RBMS3: variants seen among roughly 807,000 people sequenced by gnomAD.
RBMS3 encodes RNA-binding motif, single-stranded-interacting protein 3.
In RBMS3, 27 loss-of-function variants were observed where a neutral mutation model predicts 66.8. The ratio of observed to expected loss-of-function variants is 0.40; its 90% CI spans 0.30 to 0.56. The LOEUF (loss-of-function observed/expected upper bound fraction) is 0.56. Ranked by LOEUF, RBMS3 falls within the 20% of genes least tolerant of loss-of-function variation. The pLI, the probability that RBMS3 is intolerant of heterozygous loss-of-function variation, is 0.40. For missense variants in RBMS3, 513 were observed against 549.5 expected (o/e 0.93, Z 0.66); for synonymous variants, 188 against 183.0 (o/e 1.03, Z -0.22).
intron 6 of RBMS3, among the ~76,000 whole-genome samples, chr3:29,832,119 G>T (rs2058385193): frequency 6.6e-6 from 1 of 152,058 alleles, no homozygotes. Flanking sequence ...TGTTTGTAAA[G>T]ATTTAATGAG....
chr3:29,433,001 T>C (rs2041265425), intron 1 of RBMS3, among the ~76,000 whole-genome samples: 1 of 152,196 alleles, frequency 6.6e-6, no homozygotes, highest in Admixed American at 6.5e-5. Flanking sequence ...GTCAGTTCTA[T>C]TTCCAGGACA....
intron 3 of RBMS3, among the ~76,000 whole-genome samples, chr3:29,583,612 G>A (rs2149087945): frequency 6.6e-6 from 1 of 152,230 alleles, no homozygotes; most frequent in South Asian, 2.1e-4. Flanking sequence ...GGTACAATGG[G>A]TGAAGGGGAG....
At chr3:29,728,279 C>T (rs112781187) in intron 4 of RBMS3, among the ~76,000 whole-genome samples, 9,067 of 151,982 alleles carry the variant, frequency 0.06, 882 homozygotes, top group African/African-American at 0.2. Context: ...ACCTAGATGA[C>T]GGGTCGATAG....
intron 4 of RBMS3, among the ~76,000 whole-genome samples, chr3:29,706,199 A>G (rs973771873): frequency 1.8e-4 from 28 of 152,212 alleles, no homozygotes; most frequent in African/African-American, 6.8e-4. Flanking sequence ...TACCTTTGTC[A>G]TGAAAATCCC....
chr3:29,980,429 T>C (rs145908890), intron 12 of RBMS3, among the ~76,000 whole-genome samples: 87 of 152,326 alleles, frequency 5.7e-4, no homozygotes, highest in African/African-American at 2.1e-3. Flanking sequence ...AGAAACTCTT[T>C]AGTTTAATTA....
chr3:29,300,069 T>C (rs1422892167), intron 1 of RBMS3, among the ~76,000 whole-genome samples: 3 of 151,894 alleles, frequency 2.0e-5, no homozygotes, highest in Admixed American at 2.0e-4. Flanking sequence ...CTCAAAAATA[T>C]ATGTCACTAA....
chr3:29,333,183 G>GA (rs1559495325), intron 1 of RBMS3, among the ~76,000 whole-genome samples: 1 of 152,072 alleles, frequency 6.6e-6, no homozygotes, highest in Non-Finnish European at 1.5e-5. Context: ...GAAATTAAGG[G>GA]AAAAGGTTCT....
chr3:29,983,366 C>G (rs751799520), intron 12 of RBMS3, among the ~76,000 whole-genome samples: 5 of 151,774 alleles, frequency 3.3e-5, no homozygotes, highest in Non-Finnish European at 7.4e-5. Context: ...TACTCTTTAT[C>G]CAATTTGCCA....
At chr3:29,374,727 G>A (rs1185754134) in intron 1 of RBMS3, among the ~76,000 whole-genome samples, 4 of 152,152 alleles carry the variant, frequency 2.6e-5, no homozygotes, top group Admixed American at 6.6e-5. Flanking sequence ...TCATTGGGAT[G>A]TAACCTAATA....
rs184084900 is a variant in RBMS3 at position 29,911,522 on chromosome 3, C to G, written c.939+11767C>G. ...CCGATGTGCCCTTTCACAAGTTCTC[C>G]ACTCAGAGTTGAGTGTAATATGCAG... On this transcript the variant is annotated intron_variant, in intron 10 of 14. Transcript: ENST00000383767. 1.5e-3 allele frequency among the ~76,000 whole-genome samples: 235 copies of G among 152,156 alleles called. 2 individuals carry two copies. The highest frequency in any genetic ancestry group is 5.4e-4 in the Non-Finnish European group (37 of 67,988).
chr3:29,614,127 G>A (rs558498014), intron 4 of RBMS3, among the ~76,000 whole-genome samples: 6 of 152,162 alleles, frequency 3.9e-5, no homozygotes, highest in African/African-American at 1.4e-4. Context: ...ATACACAGTG[G>A]AATACTATTC....
chr3:29,658,080 G>A (rs2050388656), intron 4 of RBMS3, among the ~76,000 whole-genome samples: 1 of 152,142 alleles, frequency 6.6e-6, no homozygotes, highest in African/African-American at 2.4e-5. Flanking sequence ...AATGCTACCT[G>A]TAATTCTTGG....
chr3:29,418,791 A>G (rs1308940744), intron 1 of RBMS3, among the ~76,000 whole-genome samples: 3 of 152,168 alleles, frequency 2.0e-5, no homozygotes, highest in African/African-American at 4.8e-5. Flanking sequence ...CATTTGAGTA[A>G]AAGCCACCAT....
At chr3:29,337,453 A>T (rs1268202485) in intron 1 of RBMS3, among the ~76,000 whole-genome samples, 1 of 152,062 alleles carries the variant, frequency 6.6e-6, no homozygotes, top group Non-Finnish European at 1.5e-5. Context: ...AGCCTAGACA[A>T]CATAATGAGA....
chr3:29,573,207 G>T (rs146200800), intron 3 of RBMS3, among the ~76,000 whole-genome samples: 1 of 151,954 alleles, frequency 6.6e-6, no homozygotes, highest in Non-Finnish European at 1.5e-5. Flanking sequence ...TGCAACCTCC[G>T]CCTCCCAGGT....
chr3:29,456,163 G>A (rs9942005), intron 2 of RBMS3, among the ~76,000 whole-genome samples: 8,295 of 152,216 alleles, frequency 0.054, 724 homozygotes, highest in African/African-American at 0.19. Context: ...AATAGGCTTA[G>A]TTTCTGTGGA....
chr3:29,819,966 A>G (rs2058029090), intron 6 of RBMS3, among the ~76,000 whole-genome samples: 1 of 152,072 alleles, frequency 6.6e-6, no homozygotes, highest in Admixed American at 6.6e-5. Context: ...AGGCCAGTGC[A>G]GGTGGATCAC....
intron 4 of RBMS3, among the ~76,000 whole-genome samples, chr3:29,726,594 A>G (rs1576627737): frequency 6.6e-6 from 1 of 151,964 alleles, no homozygotes; most frequent in East Asian, 1.9e-4. Flanking sequence ...TCGTGAGGGA[A>G]CTCCCATACA....
chr3:29,958,517 T>G (rs1187923706), intron 12 of RBMS3, among the ~76,000 whole-genome samples: 1 of 152,194 alleles, frequency 6.6e-6, no homozygotes, highest in Non-Finnish European at 1.5e-5. Flanking sequence ...GTATGTTTGA[T>G]TGATGCCCTC....
Sources: gnomAD v4.1 joint callset for allele counts (sites outside exome capture counted in the v4.1 genomes callset) on GRCh38, gnomAD v4.1.1 for gene constraint, MANE v1.5 for transcripts, NCBI Gene and HGNC (gene_info 2026-07-23, HGNC 2026-07-21) for gene names.